Variants in WASHC2C observed in about 807,000 individuals in gnomAD.
The protein encoded by WASHC2C is Vaccinia Penetration Factor.
WASHC2C carries 73 observed loss-of-function variants against 142.2 expected under a neutral mutation model. That is an observed-to-expected ratio of 0.51 (90% CI 0.43 to 0.62). The LOEUF (loss-of-function observed/expected upper bound fraction) is 0.62. Among genes scored for constraint, WASHC2C ranks in the 20% least tolerant of loss-of-function variants. The pLI is 0.00. For missense variants in WASHC2C, 969 were observed against 1,531.7 expected (o/e 0.63, Z 6.13); for synonymous variants, 337 against 565.5 (o/e 0.60, Z 5.73).
In WASHC2C at chr10:45,749,338, G is replaced by C. The variant is rs533070234; in HGVS notation, c.733-758G>C. On this transcript the variant is annotated intron_variant, in intron 8 of 30. Transcript: ENST00000623400. Reference sequence around the variant, plus strand: ...TAATCCTAGCTACTCAGAGGGCTGAGGCAGGAGAATGGCTTGAACCTAGGA... The same window carrying C: ...TAATCCTAGCTACTCAGAGGGCTGACGCAGGAGAATGGCTTGAACCTAGGA... Among the ~76,000 whole-genome samples, 787 of 151,356 alleles carry C rather than the reference G, an allele frequency of 5.2e-3. 3 individuals are homozygous for C. The highest frequency in any genetic ancestry group is 8.3e-3 in the Non-Finnish European group (560 of 67,822).
At chr10:45,760,905 AC>A (rs2054985313) in intron 17 of WASHC2C, among the ~76,000 whole-genome samples, 1 of 150,878 alleles carries the variant, frequency 6.6e-6, no homozygotes, top group Admixed American at 6.6e-5. Context: ...TATCCCTAAC[AC>A]CCCGTCCTTA....
chr10:45,788,289 A>T (rs2058193441), intron 28 of WASHC2C, among the ~76,000 whole-genome samples: 1 of 152,230 alleles, frequency 6.6e-6, no homozygotes, highest in Non-Finnish European at 1.5e-5. Flanking sequence ...TTGAGATTAT[A>T]TGAAAAGTTC....
intron 28 of WASHC2C, among the ~76,000 whole-genome samples, chr10:45,788,389 C>A (rs557192864): frequency 2.0e-5 from 3 of 152,226 alleles, no homozygotes; most frequent in African/African-American, 4.8e-5. Context: ...TAGATTACCT[C>A]TCTTTATTGT....
chr10:45,782,423 A>G (rs1382724216), intron 23 of WASHC2C, among the ~76,000 whole-genome samples: 6 of 149,468 alleles, frequency 4.0e-5, no homozygotes, highest in African/African-American at 1.2e-4. Flanking sequence ...ATACCCGGGA[A>G]GAGGACCATA....
At chr10:45,789,596 A>G (rs2058274252) in intron 29 of WASHC2C, 105 bp downstream of exon 29, 29 of 1,502,930 alleles carry the variant, frequency 1.9e-5, no homozygotes, top group South Asian at 1.7e-4. Flanking sequence ...TGCATACCCC[A>G]TAGCCACTTG....
In WASHC2C at chr10:45,789,237, G is replaced by T; in HGVS notation, c.3454G>T (p.Ala1152Ser). Residue 1152 changes from alanine to serine, a missense_variant, in exon 29 of 31, where the codon GCA becomes TCA. Coordinates refer to ENST00000623400, the MANE Select transcript of WASHC2C (RefSeq NM_001330074.2). Reference protein sequence around the residue: ...SQSVERTKPKAKIAENPANPP... With the variant: ...SQSVERTKPKSKIAENPANPP... ...GTCCGTGGAGAGAACAAAACCCAAG[G>T]CAAAGATAGCAGAGAATCCTGCCAA... is the stretch of plus-strand genomic sequence containing the variant. 5 of 1,612,030 alleles carry T rather than the reference G, an allele frequency of 3.1e-6. No individual in the cohort carries two copies. The highest frequency in any genetic ancestry group is 4.2e-6 in the Non-Finnish European group (5 of 1,179,860).
At chr10:45,729,126 G>A in intron 3 of WASHC2C, 100 bp downstream of exon 3, 1 of 1,264,234 alleles carries the variant, frequency 7.9e-7, no homozygotes, top group Non-Finnish European at 1.1e-6. Context: ...TTTGGTGGAA[G>A]TGTGGTTCTT....
intron 20 of WASHC2C, among the ~76,000 whole-genome samples, chr10:45,770,233 T>G (rs1216691356): frequency 8.3e-6 from 1 of 120,182 alleles, no homozygotes; most frequent in Non-Finnish European, 1.7e-5. Flanking sequence ...GGAGCAAGAC[T>G]CCATCTCAAA....
At chr10:45,760,184 C>G (rs1369047158) in intron 17 of WASHC2C, among the ~76,000 whole-genome samples, 1 of 62,652 alleles carries the variant, frequency 1.6e-5, no homozygotes, top group Non-Finnish European at 3.0e-5. Flanking sequence ...TTAGAACCAC[C>G]TCTCAGAATT....
chr10:45,759,493 A>G (rs1353289809), intron 17 of WASHC2C, 92 bp downstream of exon 17: 1 of 1,349,804 alleles, frequency 7.4e-7, no homozygotes, highest in Non-Finnish European at 1.0e-6. Flanking sequence ...TAGAGTTATA[A>G]GACTTTTTGT....
intron 26 of WASHC2C, 143 bp downstream of exon 26, chr10:45,785,774 C>G (rs2057994217): frequency 2.7e-6 from 4 of 1,470,422 alleles, no homozygotes; most frequent in Middle Eastern, 2.5e-4. Flanking sequence ...CTTCACTGCA[C>G]TTCCCCCGAG....
Position 45,785,940 on chromosome 10 carries a change from A to G in WASHC2C, c.2811+309A>G, listed in dbSNP as rs2058010692. 2.7e-5 allele frequency: 10 copies of G among 369,650 alleles called. No individual in the cohort carries two copies. The South Asian group carries it at 3.7e-4, about 14-fold the overall frequency. 22.9% of individuals were successfully genotyped at this position (369,650 alleles called of 1,614,324 possible). A position where few individuals can be genotyped will look rare whatever the true frequency, so the allele number is the denominator to read the frequency against. ...CTAAAGAATTTATTTCTCCCTCTGG[A>G]TTTCCTTGGAATAGAATTAAAATAG... On this transcript the variant is annotated intron_variant, in intron 26 of 30. Transcript: ENST00000623400.
intron 18 of WASHC2C, among the ~76,000 whole-genome samples, chr10:45,765,004 C>T (rs2055618774): frequency 1.3e-5 from 2 of 152,166 alleles, no homozygotes. Flanking sequence ...GACTCAGGCC[C>T]TCTGATGCTT....
At chr10:45,789,687 ATG>A (rs1386701561) in intron 29 of WASHC2C, among the ~76,000 whole-genome samples, 196 bp downstream of exon 29, 1 of 140,058 alleles carries the variant, frequency 7.1e-6, no homozygotes, top group Non-Finnish European at 1.6e-5. Flanking sequence ...TGCATGTAGA[ATG>A]TATTTCTTGG....
At position 45,769,343 on chromosome 10, in the gene WASHC2C, C is replaced by A. The variant is rs1554883696; in HGVS notation, c.1870-106C>A. ...CCGTGTTAGCAAGGATGGTCTTGATCTGCTGATCTCGTGATTCACCCGCCT... is the reference window on the plus strand; with the variant it reads ...CCGTGTTAGCAAGGATGGTCTTGATATGCTGATCTCGTGATTCACCCGCCT... On this transcript the variant is annotated intron_variant, in intron 19 of 30. Transcript: ENST00000623400. 4.2e-6 allele frequency: 6 copies of A among 1,443,576 alleles called. No individual in the cohort carries two copies. In the African/African-American group the frequency reaches 7.2e-5, roughly 17 times the overall value. The allele number at this position is 1,443,576 out of a possible 1,614,324, so 89.4% of individuals were successfully genotyped here. A position where few individuals can be genotyped will look rare whatever the true frequency, so the allele number is the denominator to read the frequency against.
At chr10:45,727,179 G>T (rs1460111527), upstream of WASHC2C, 7 of 1,455,652 alleles carry the variant, frequency 4.8e-6, no homozygotes, top group African/African-American at 1.5e-5. Context: ...GTCGGATCAC[G>T]TGCGGGTTCT....
At chr10:45,786,122 G>A (rs1217851372) in intron 26 of WASHC2C, among the ~76,000 whole-genome samples, 12 of 152,262 alleles carry the variant, frequency 7.9e-5, no homozygotes, top group East Asian at 1.9e-4. Flanking sequence ...ACAGTTCCAC[G>A]TGCAGGTGTC....
chr10:45,755,437 A>C (rs1237993458), intron 15 of WASHC2C, among the ~76,000 whole-genome samples: 2 of 152,182 alleles, frequency 1.3e-5, no homozygotes, highest in Admixed American at 6.5e-5. Context: ...CCTTTCTTCC[A>C]GCCGACCTTA....
Position 45,763,469 on chromosome 10 carries a change from T to C in WASHC2C, c.1717T>C (p.Phe573Leu), listed in dbSNP as rs1554880925. 5.4e-6 allele frequency: 4 copies of C among 744,030 alleles called. No homozygotes were observed. The highest frequency in any genetic ancestry group is 8.9e-6 in the Non-Finnish European group (4 of 448,374). 46.1% of individuals were successfully genotyped at this position (744,030 alleles called of 1,614,324 possible). A position where few individuals can be genotyped will look rare whatever the true frequency, so the allele number is the denominator to read the frequency against. The change falls in exon 18 of 31, where the codon TTT becomes CTT. Residue 573 changes from phenylalanine (F) to leucine (L), a missense_variant. Phe to Leu is a conservative substitution (Grantham distance 22). Transcript: ENST00000623400. ...PGKLPTSVSLFDDEDEEDNLF... is the reference protein window; with the variant it reads ...PGKLPTSVSLLDDEDEEDNLF... ...CAAGCTCCCCACGTCGGTTTCCCTG[T>C]TTGATGATGAAGATGAAGAGGTAAA...
Sources: allele counts gnomAD v4.1 joint callset (sites outside exome capture counted in the v4.1 genomes callset), GRCh38; gene constraint gnomAD v4.1.1; transcripts MANE v1.5; gene names NCBI Gene and HGNC (gene_info 2026-07-23, HGNC 2026-07-21).